The following APBB2 variants were observed in gnomAD, a reference collection of about 807,000 sequenced individuals.
APBB2 encodes Fe65-like 1.
A neutral mutation model predicts 82.5 loss-of-function variants in APBB2; 38 were observed. That is an observed-to-expected ratio of 0.46 (90% confidence interval 0.36 to 0.60). The LOEUF is 0.60. Ranked by LOEUF, APBB2 falls within the 20% of genes least tolerant of loss-of-function variation. APBB2 has a pLI of 0.00. For missense variants in APBB2, 772 were observed against 972.3 expected (o/e 0.79, Z 2.74); for synonymous variants, 341 against 368.2 (o/e 0.93, Z 0.85).
Position 40,821,944 on chromosome 4 carries a change from C to A in APBB2, c.2039G>T (p.Arg680Leu). The change falls in exon 17 of 18, where the codon CGC becomes CTC. Residue 680 changes from arginine (R) to leucine (L), a missense_variant. Arg to Leu is a moderately radical substitution (Grantham distance 102). Coordinates refer to ENST00000508593, the MANE Select transcript of APBB2 (RefSeq NM_004307.2). ...GCACCAGAAAACGTGGCACTCAAAG[C>A]GCTGGTTCCCCGTGTCCATGATGAA... ...FAFIMDTGNQ[R>L]FECHVFWCEP... 1.9e-6 allele frequency: 3 copies of A among 1,614,140 alleles called. No individual in the cohort carries two copies. The highest frequency in any genetic ancestry group is 1.7e-4 in the Middle Eastern group (1 of 6,048).
chr4:40,902,611 G>T (rs1775632592), intron 10 of APBB2, among the ~76,000 whole-genome samples: 1 of 152,156 alleles, frequency 6.6e-6, no homozygotes, highest in South Asian at 2.1e-4. Flanking sequence ...ATGGCTCACT[G>T]CAGCCTTGAC....
At chr4:40,987,198 T>TC (rs1226260477) in intron 6 of APBB2, among the ~76,000 whole-genome samples, 1 of 149,630 alleles carries the variant, frequency 6.7e-6, no homozygotes, top group Admixed American at 6.8e-5. Flanking sequence ...GGTTCAAAGT[T>TC]AAACAATATG....
At chr4:40,822,333 A>C in intron 16 of APBB2, 1 of 360,560 alleles carries the variant, frequency 2.8e-6, no homozygotes, top group Non-Finnish European at 5.1e-6. Flanking sequence ...CACTGTGGGG[A>C]GGGACAGTGC....
At chr4:41,183,413 G>T (rs913849334) in intron 1 of APBB2, among the ~76,000 whole-genome samples, 2 of 152,116 alleles carry the variant, frequency 1.3e-5, no homozygotes, top group Non-Finnish European at 1.5e-5. Flanking sequence ...TTAACCTCCA[G>T]TACCACAGAA....
intron 2 of APBB2, among the ~76,000 whole-genome samples, chr4:41,108,443 GA>G (rs906034296): frequency 5.4e-4 from 81 of 150,542 alleles, no homozygotes; most frequent in African/African-American, 1.9e-3. Context: ...ACGTTGAGAA[GA>G]AAAAAAAAGA....
intron 17 of APBB2, among the ~76,000 whole-genome samples, chr4:40,819,543 G>A (rs1728888737): frequency 6.6e-6 from 1 of 151,942 alleles, no homozygotes; most frequent in African/African-American, 2.4e-5. Context: ...TGGGCATGGT[G>A]GTGCTCCCCT....
chr4:40,882,954 G>A (rs893344903), intron 12 of APBB2, among the ~76,000 whole-genome samples: 1 of 152,160 alleles, frequency 6.6e-6, no homozygotes, highest in Admixed American at 6.5e-5. Context: ...TGAACGGAAT[G>A]TGAGTGTACC....
chr4:40,974,775 G>A (rs1796744444), intron 6 of APBB2, among the ~76,000 whole-genome samples: 1 of 152,182 alleles, frequency 6.6e-6, no homozygotes. Flanking sequence ...TACACAGTAA[G>A]AATGGCATAC....
chr4:40,846,033 T>C (rs941871511), intron 12 of APBB2, among the ~76,000 whole-genome samples: 5 of 150,712 alleles, frequency 3.3e-5, no homozygotes, highest in African/African-American at 1.2e-4. Context: ...TGTGTGTGTG[T>C]GTGTGTGTGT....
At chr4:40,878,712 G>T (rs189915892) in intron 12 of APBB2, among the ~76,000 whole-genome samples, 4 of 152,260 alleles carry the variant, frequency 2.6e-5, no homozygotes, top group Admixed American at 2.0e-4. Context: ...TCTTCTAGAT[G>T]AGTGAATGGT....
At chr4:41,182,930 G>A (rs1446664236) in intron 1 of APBB2, among the ~76,000 whole-genome samples, 1 of 152,186 alleles carries the variant, frequency 6.6e-6, no homozygotes, top group African/African-American at 2.4e-5. Context: ...TGAGATTTGG[G>A]TGGGGTCACA....
At position 40,961,568 on chromosome 4, in the gene APBB2, G is replaced by A. The variant is rs1359185030; in HGVS notation, c.836-16495C>T. 4.1e-5 allele frequency among the ~76,000 whole-genome samples: 6 copies of A among 147,438 alleles called. No individual in the cohort carries two copies. In the South Asian group the frequency reaches 1.3e-3, roughly 32 times the overall value. ...TAGATGTCGAGTTAGTGGGTGCAGC[G>A]CACCAGCGTGGCACATGTATGCATA... On this transcript the variant is annotated intron_variant, in intron 6 of 17. Coordinates refer to ENST00000508593, the MANE Select transcript of APBB2 (RefSeq NM_004307.2).
At chr4:40,953,546 C>A (rs1414082622) in intron 6 of APBB2, among the ~76,000 whole-genome samples, 1 of 152,086 alleles carries the variant, frequency 6.6e-6, no homozygotes, top group Non-Finnish European at 1.5e-5. Context: ...GAGAACACTT[C>A]CAACTCAGGC....
chr4:40,817,508 T>C (rs941558701), intron 17 of APBB2, among the ~76,000 whole-genome samples: 1 of 151,870 alleles, frequency 6.6e-6, no homozygotes, highest in East Asian at 1.9e-4. Context: ...CAAACACAGA[T>C]TGAAAATAGT....
chr4:41,173,529 G>A (rs924373277), intron 1 of APBB2, among the ~76,000 whole-genome samples: 2 of 152,114 alleles, frequency 1.3e-5, no homozygotes, highest in African/African-American at 4.8e-5. Context: ...ATGTCTCCAC[G>A]GAAATGGCTA....
chr4:40,930,484 C>CGT lies in APBB2; in HGVS notation c.1254+3970_1254+3971dup, dbSNP rs572786728. Among the ~76,000 whole-genome samples the CGT allele has an allele frequency of 2.7e-5, 4 of 146,546 alleles. No individual in the cohort carries two copies. The East Asian group carries it at 8.0e-4, about 29-fold the overall frequency. On this transcript the variant is annotated intron_variant, in intron 10 of 17. Transcript: ENST00000508593. ...GCGCGCGCGTGCGCGTGCGCGTATGCGTGTGTATGTGTGTGGTGATTTTGT... is the reference window on the plus strand; with the variant it reads ...GCGCGCGCGTGCGCGTGCGCGTATGCGTGTGTGTATGTGTGTGGTGATTTTGT...
intron 10 of APBB2, among the ~76,000 whole-genome samples, chr4:40,904,800 G>A (rs932122915): frequency 1.4e-4 from 21 of 150,846 alleles, no homozygotes; most frequent in Admixed American, 4.0e-4. Flanking sequence ...TTCTCCATCC[G>A]GCTGAAGCAA....
chr4:40,961,245 A>G (rs1242138817), intron 6 of APBB2, among the ~76,000 whole-genome samples: 1 of 152,104 alleles, frequency 6.6e-6, no homozygotes, highest in Non-Finnish European at 1.5e-5. Flanking sequence ...CACAGCAAAA[A>G]ACTAAATTCC....
intron 10 of APBB2, 118 bp downstream of exon 10, chr4:40,934,338 G>A: frequency 1.0e-6 from 1 of 963,158 alleles, no homozygotes; most frequent in Non-Finnish European, 1.6e-6. Flanking sequence ...GAAAATTGAG[G>A]GATAATTACT....
Sources: gnomAD v4.1 joint callset for allele counts (sites outside exome capture counted in the v4.1 genomes callset) on GRCh38, gnomAD v4.1.1 for gene constraint, MANE v1.5 for transcripts, NCBI Gene and HGNC (gene_info 2026-07-23, HGNC 2026-07-21) for gene names.